The following PLCH1 variants were observed in gnomAD, a reference collection of about 807,000 sequenced individuals.
The protein encoded by PLCH1 is phospholipase C eta 1.
In PLCH1, 60 loss-of-function variants were observed where a neutral mutation model predicts 126.7. That is an observed-to-expected ratio of 0.47 (90% confidence interval 0.38 to 0.59). PLCH1 has a LOEUF of 0.59. Among genes scored for constraint, PLCH1 ranks in the 20% least tolerant of loss-of-function variants. The pLI, the probability that PLCH1 is intolerant of heterozygous loss-of-function variation, is 0.00. For missense variants in PLCH1, 1,723 were observed against 2,040.0 expected (o/e 0.84, Z 2.99); for synonymous variants, 719 against 734.9 (o/e 0.98, Z 0.35).
intron 21 of PLCH1, among the ~76,000 whole-genome samples, chr3:155,464,294 A>G (rs770781029): frequency 5.9e-5 from 9 of 152,214 alleles, no homozygotes; most frequent in Non-Finnish European, 1.0e-4. Context: ...AAGACTCTCT[A>G]TGCAAGCTTA....
intron 2 of PLCH1, chr3:155,658,075 G>T: frequency 4.6e-6 from 1 of 215,168 alleles, no homozygotes. Context: ...TGACAAGGAT[G>T]GTGGTACCCA....
chr3:155,724,297 A>T (rs1264747654), intron 1 of PLCH1, among the ~76,000 whole-genome samples: 1 of 152,020 alleles, frequency 6.6e-6, no homozygotes, highest in East Asian at 1.9e-4. Context: ...TTTGTTGTTG[A>T]CTTTCTGTCT....
chr3:155,472,297 C>G (rs1287830552), intron 21 of PLCH1, among the ~76,000 whole-genome samples: 1 of 152,336 alleles, frequency 6.6e-6, no homozygotes, highest in East Asian at 1.9e-4. Context: ...ATACTACAAA[C>G]AACTCTACAC....
intron 2 of PLCH1, among the ~76,000 whole-genome samples, chr3:155,618,900 T>A (rs1320254739): frequency 6.6e-6 from 1 of 152,122 alleles, no homozygotes; most frequent in African/African-American, 2.4e-5. Context: ...GCACACCCTG[T>A]CCCTCTTTGA....
At position 155,530,699 on chromosome 3, in the gene PLCH1, T is replaced by A. The variant is rs553389120; in HGVS notation, c.1363-6695A>T. ...GAATCATCTTCTTCTAAACTCCTGC[T>A]AATAATCTGTTGACCTCCTCAAAAA... On this transcript the variant is annotated intron_variant, in intron 10 of 22. Coordinates refer to ENST00000460012, the MANE Select transcript of PLCH1 (RefSeq NM_014996.4). 7.9e-5 allele frequency among the ~76,000 whole-genome samples: 12 copies of A among 152,320 alleles called. No homozygotes were observed. In the East Asian group the frequency reaches 2.3e-3, roughly 29 times the overall value.
downstream of PLCH1, among the ~76,000 whole-genome samples, chr3:155,477,187 TG>T (rs1234144113): frequency 6.6e-6 from 1 of 152,080 alleles, no homozygotes; most frequent in Admixed American, 6.5e-5. Context: ...CTGGGAAAAC[TG>T]GGTATCTATA....
At chr3:155,506,138 A>T (rs1201227124) in intron 12 of PLCH1, among the ~76,000 whole-genome samples, 2 of 152,138 alleles carry the variant, frequency 1.3e-5, no homozygotes, top group Admixed American at 6.5e-5. Flanking sequence ...CATTACATAT[A>T]TTCTCATTTA....
Position 155,634,668 on chromosome 3 carries a change from T to C in PLCH1, c.80-38290A>G, listed in dbSNP as rs1738504361. ...AAACTGCTTCTCTCAGAACTGCTGC[T>C]TAAGTAAGCAGGGCCCAGGAGGCAT... On this transcript the variant is annotated intron_variant, in intron 2 of 22. Transcript: ENST00000460012. 3.9e-5 allele frequency among the ~76,000 whole-genome samples: 6 copies of C among 152,148 alleles called. 1 individual carries two copies. Among genetic ancestry groups the C allele is most frequent in the Admixed American group, 3.9e-4 (6 of 15,268 alleles).
rs548961654 is a variant in PLCH1, at chr3:155,542,277, C to T, written c.1362+7510G>A. On this transcript the variant is annotated intron_variant, in intron 10 of 22. Coordinates refer to ENST00000460012, the MANE Select transcript of PLCH1 (RefSeq NM_014996.4). The stretch of plus-strand genomic sequence containing the variant: ...GGGTCCTACGCCCATGGAGTCTCGC[C>T]GATTGCTAGCACAGCAGTCTGAGAT... Among the ~76,000 whole-genome samples the T allele has an allele frequency of 4.0e-4, 61 of 152,264 alleles. No homozygotes were observed. In the South Asian group the frequency reaches 5.8e-3, roughly 14 times the overall value.
At chr3:155,673,096 T>C (rs1286528126) in intron 2 of PLCH1, among the ~76,000 whole-genome samples, 1 of 143,114 alleles carries the variant, frequency 7.0e-6, no homozygotes, top group Non-Finnish European at 1.5e-5. Flanking sequence ...CTAAATTTCT[T>C]AACCTGGATT....
At chr3:155,504,160 C>T (rs896873103) in intron 13 of PLCH1, among the ~76,000 whole-genome samples, 7 of 151,962 alleles carry the variant, frequency 4.6e-5, no homozygotes, top group African/African-American at 1.7e-4. Flanking sequence ...AGTGTTTTGC[C>T]CATCTTTTAG....
At chr3:155,571,527 T>C (rs1051347524) in intron 6 of PLCH1, among the ~76,000 whole-genome samples, 4 of 152,072 alleles carry the variant, frequency 2.6e-5, no homozygotes, top group African/African-American at 9.7e-5. Context: ...CAGCCTCCCA[T>C]GTAGCTGGGA....
intron 10 of PLCH1, among the ~76,000 whole-genome samples, chr3:155,546,553 G>T (rs1032196002): frequency 6.6e-6 from 1 of 152,084 alleles, no homozygotes; most frequent in Non-Finnish European, 1.5e-5. Context: ...AAGTTCATAT[G>T]GAACCAAAAA....
intron 2 of PLCH1, among the ~76,000 whole-genome samples, chr3:155,697,398 G>A (rs769665454): frequency 1.3e-5 from 2 of 152,156 alleles, no homozygotes; most frequent in Non-Finnish European, 2.9e-5. Flanking sequence ...GCTGTTAGGC[G>A]TATAATATCG....
intron 10 of PLCH1, among the ~76,000 whole-genome samples, chr3:155,526,709 T>C (rs1721998991): frequency 6.6e-6 from 1 of 152,074 alleles, no homozygotes; most frequent in Admixed American, 6.5e-5. Flanking sequence ...GACACCTTAA[T>C]TACAGCCTCA....
At chr3:155,583,368 C>T (rs111468927) in intron 6 of PLCH1, 104 bp downstream of exon 6, 6 of 886,904 alleles carry the variant, frequency 6.8e-6, no homozygotes, top group African/African-American at 1.7e-5. Context: ...TGATATTTAC[C>T]ACCTTTGCAA....
intron 18 of PLCH1, among the ~76,000 whole-genome samples, chr3:155,492,216 G>C (rs1374051553): frequency 6.6e-6 from 1 of 152,152 alleles, no homozygotes; most frequent in African/African-American, 2.4e-5. Flanking sequence ...AGGTATAATG[G>C]AAACAATGGG....
chr3:155,742,952 T>C, intron 1 of PLCH1: 1 of 218,578 alleles, frequency 4.6e-6, no homozygotes, highest in Non-Finnish European at 9.3e-6. Flanking sequence ...ACTCACGTAT[T>C]ACTTCATCCA....
At chr3:155,574,962 C>G (rs1191942727) in intron 6 of PLCH1, among the ~76,000 whole-genome samples, 1 of 151,892 alleles carries the variant, frequency 6.6e-6, no homozygotes, top group Admixed American at 6.6e-5. Flanking sequence ...GAAACCCCAT[C>G]TCTACTAAAA....
Sources: allele counts gnomAD v4.1 joint callset (sites outside exome capture counted in the v4.1 genomes callset), GRCh38; gene constraint gnomAD v4.1.1; transcripts MANE v1.5; gene names NCBI Gene and HGNC (gene_info 2026-07-23, HGNC 2026-07-21).